Variants in CDH12 observed in about 807,000 individuals in gnomAD.
CDH12 encodes cadherin-12.
In CDH12, 41 loss-of-function variants were observed where a neutral mutation model predicts 74.1. That is an observed-to-expected ratio of 0.55 (90% CI 0.43 to 0.72). The LOEUF (loss-of-function observed/expected upper bound fraction) is 0.72, where lower values mean the gene tolerates loss of function less well. Ranked by LOEUF, CDH12 falls within the 30% of genes least tolerant of loss-of-function variation. CDH12 has a pLI of 0.00. For synonymous variants in CDH12, 399 were observed against 355.0 expected, an observed-to-expected ratio of 1.12 and a Z score of -1.39; for missense variants, 945 against 977.2, an observed-to-expected ratio of 0.97 and a Z score of 0.44.
intron 2 of CDH12, among the ~76,000 whole-genome samples, chr5:22,411,512 G>T (rs912192786): frequency 1.3e-5 from 2 of 151,920 alleles, no homozygotes. Flanking sequence ...CCTTCATAAA[G>T]ATATTTCAGT....
chr5:22,310,525 C>T (rs1160378016), intron 3 of CDH12, among the ~76,000 whole-genome samples: 1 of 151,772 alleles, frequency 6.6e-6, no homozygotes, highest in Non-Finnish European at 1.5e-5. Context: ...AGGGGCTCAT[C>T]TCACCAAAAC....
At chr5:22,548,931 T>G (rs1408436439) in intron 1 of CDH12, among the ~76,000 whole-genome samples, 1 of 151,430 alleles carries the variant, frequency 6.6e-6, no homozygotes, top group African/African-American at 2.4e-5. Context: ...AAATCCAGGG[T>G]TTTTTGTTTG....
chr5:22,802,675 A>C (rs1022616250), intron 1 of CDH12, among the ~76,000 whole-genome samples: 4 of 152,036 alleles, frequency 2.6e-5, no homozygotes, highest in Admixed American at 6.6e-5. Context: ...GCATCCCAGG[A>C]ATACCATCAG....
chr5:22,221,474 C>T (rs1385158816), intron 3 of CDH12, among the ~76,000 whole-genome samples: 1 of 151,774 alleles, frequency 6.6e-6, no homozygotes, highest in Non-Finnish European at 1.5e-5. Flanking sequence ...TGAAATGTAT[C>T]CACAATATCT....
intron 1 of CDH12, among the ~76,000 whole-genome samples, chr5:22,830,437 T>C (rs1206826613): frequency 6.6e-6 from 1 of 152,000 alleles, no homozygotes; most frequent in African/African-American, 2.4e-5. Flanking sequence ...AATCAGAGTA[T>C]TGACTTGAGT....
intron 2 of CDH12, among the ~76,000 whole-genome samples, chr5:22,487,812 T>C (rs1453056842): frequency 6.6e-6 from 1 of 152,156 alleles, no homozygotes; most frequent in Non-Finnish European, 1.5e-5. Flanking sequence ...CACATTAACA[T>C]AGAAGAAAAT....
intron 3 of CDH12, among the ~76,000 whole-genome samples, chr5:22,364,899 AT>A: frequency 6.6e-6 from 1 of 152,192 alleles, no homozygotes; most frequent in Admixed American, 6.6e-5. Context: ...GCCTTTCAAA[AT>A]TGTGTTGACA....
chr5:21,884,248 A>T (rs1452308703), intron 6 of CDH12: 19 of 1,511,844 alleles, frequency 1.3e-5, no homozygotes, highest in Non-Finnish European at 1.8e-6. Context: ...CCTAAAGAAG[A>T]GAAGGACCCT....
chr5:21,805,819 A>T (rs1019450392), intron 9 of CDH12, among the ~76,000 whole-genome samples: 4 of 152,212 alleles, frequency 2.6e-5, no homozygotes, highest in African/African-American at 9.6e-5. Context: ...ATATTCTATG[A>T]TAGACATACA....
intron 5 of CDH12, among the ~76,000 whole-genome samples, chr5:22,027,265 C>A (rs1448952429): frequency 1.3e-5 from 2 of 152,066 alleles, no homozygotes; most frequent in Non-Finnish European, 2.9e-5. Context: ...GGATATTGGT[C>A]TAAAATTCTC....
intron 10 of CDH12, among the ~76,000 whole-genome samples, chr5:21,793,720 G>A (rs1162081625): frequency 1.3e-5 from 2 of 151,320 alleles, no homozygotes; most frequent in Non-Finnish European, 3.0e-5. Context: ...TTCTACCTAA[G>A]CTTGCATTTC....
chr5:22,133,668 G>T (rs1746297033), intron 4 of CDH12, among the ~76,000 whole-genome samples: 2 of 152,134 alleles, frequency 1.3e-5, no homozygotes, highest in South Asian at 4.1e-4. Flanking sequence ...AAGTCATCCT[G>T]CATGTAAAAG....
Position 22,399,190 on chromosome 5 carries a change from G to GTATCTATCTATC in CDH12, c.-333+6055_-333+6066dup, listed in dbSNP as rs3039455. Among the ~76,000 whole-genome samples, 233 of 148,174 alleles carry GTATCTATCTATC rather than the reference G, an allele frequency of 1.6e-3. 1 individual carries two copies. Among genetic ancestry groups the GTATCTATCTATC allele is most frequent in the Non-Finnish European group, 1.9e-3 (125 of 66,982 alleles). ...TTTATCTTACTATATAATCTACCCA[G>GTATCTATCTATC]TATCTATCTATCTATCTATCTATCT... On this transcript the variant is annotated intron_variant, in intron 3 of 14. Transcript: ENST00000382254.
intron 1 of CDH12, among the ~76,000 whole-genome samples, chr5:22,529,687 C>G (rs1300465206): frequency 1.3e-5 from 2 of 152,120 alleles, no homozygotes; most frequent in African/African-American, 4.8e-5. Flanking sequence ...CAGCCTGTGG[C>G]CCAGTTGAGT....
chr5:22,198,370 G>A (rs1202147098), intron 4 of CDH12, among the ~76,000 whole-genome samples: 4 of 151,950 alleles, frequency 2.6e-5, no homozygotes, highest in South Asian at 2.1e-4. Context: ...TAAGCATATC[G>A]TATAAATATG....
intron 1 of CDH12, among the ~76,000 whole-genome samples, chr5:22,694,829 G>C (rs1001081994): frequency 6.6e-6 from 1 of 151,522 alleles, no homozygotes; most frequent in African/African-American, 2.4e-5. Context: ...ACATATATAT[G>C]TATATAATTT....
At chr5:22,008,890 CT>C (rs1737122962) in intron 5 of CDH12, among the ~76,000 whole-genome samples, 1 of 152,262 alleles carries the variant, frequency 6.6e-6, no homozygotes, top group East Asian at 1.9e-4. Context: ...CTCTCTTTCC[CT>C]TCTCTACACA....
chr5:22,451,011 C>T (rs1433554349), intron 2 of CDH12, among the ~76,000 whole-genome samples: 1 of 151,288 alleles, frequency 6.6e-6, no homozygotes, highest in African/African-American at 2.4e-5. Flanking sequence ...AAGTCACATT[C>T]TCAAAGCATT....
At chr5:21,909,816 C>T (rs1262697540) in intron 6 of CDH12, among the ~76,000 whole-genome samples, 8 of 152,110 alleles carry the variant, frequency 5.3e-5, no homozygotes. Flanking sequence ...AAAGACATGG[C>T]TTTGTCCTGA....
Sources: gnomAD v4.1 joint callset for allele counts (sites outside exome capture counted in the v4.1 genomes callset) on GRCh38, gnomAD v4.1.1 for gene constraint, MANE v1.5 for transcripts, NCBI Gene and HGNC (gene_info 2026-07-23, HGNC 2026-07-21) for gene names.